The following ACACA variants were observed in gnomAD, a reference collection of about 807,000 sequenced individuals.
ACACA encodes the protein acetyl-CoA carboxylase 1.
A neutral mutation model predicts 296.1 loss-of-function variants in ACACA; 103 were observed. That is an observed-to-expected ratio of 0.35 (90% CI 0.30 to 0.41). The LOEUF (loss-of-function observed/expected upper bound fraction) is 0.41, where lower values mean the gene tolerates loss of function less well. ACACA is among the 10% of genes least tolerant of loss of function. The probability of loss-of-function intolerance (pLI) is 1.00; values close to 1 mark genes in which losing one functional copy is unlikely to be tolerated. For missense variants in ACACA, 1,554 were observed against 2,989.7 expected (o/e 0.52, Z 11.20); for synonymous variants, 953 against 1,038.6 (o/e 0.92, Z 1.58).
intron 1 of ACACA, among the ~76,000 whole-genome samples, chr17:37,343,893 TAAA>T (rs2048497525): frequency 6.6e-6 from 1 of 152,014 alleles, no homozygotes; most frequent in Admixed American, 6.6e-5. Context: ...AATTTTATTT[TAAA>T]AACTATTTTA....
chr17:37,315,292 T>G (rs1294748230), intron 3 of ACACA, among the ~76,000 whole-genome samples: 1 of 152,152 alleles, frequency 6.6e-6, no homozygotes, highest in Non-Finnish European at 1.5e-5. Context: ...TGTTGCACAG[T>G]TAAGGAGAAC....
chr17:37,338,921 C>G (rs1435912314), intron 2 of ACACA, among the ~76,000 whole-genome samples: 2 of 138,838 alleles, frequency 1.4e-5, no homozygotes, highest in African/African-American at 5.8e-5. Context: ...GCCTGGGTGA[C>G]AGAGACTCCC....
intron 50 of ACACA, among the ~76,000 whole-genome samples, chr17:37,114,994 A>AGTTCACTGCAAGGCACATG (rs2074172510): frequency 6.6e-6 from 1 of 152,242 alleles, no homozygotes; most frequent in South Asian, 2.1e-4. Context: ...CAGTGAGCAC[A>AGTTCACTGCAAGGCACATG]GTTCACTGCA....
Position 37,406,681 on chromosome 17 carries a change from G to A in ACACA, c.-382C>T. 2.6e-6 allele frequency: 1 copy of A among 379,118 alleles called. No individual in the cohort carries two copies. Among genetic ancestry groups the A allele is most frequent in the Non-Finnish European group, 4.9e-6 (1 of 202,412 alleles). 23.5% of individuals were successfully genotyped at this position (379,118 alleles called of 1,614,324 possible). On this transcript the variant is annotated 5_prime_UTR_variant, in exon 1 of 56. Transcript: ENST00000616317. ...ACACGGGCAAAGTGATTACTGGTCG[G>A]ATCAAAAGTCAGGCAAGCGGCTCAG...
In ACACA at chr17:37,095,819, T is replaced by A. The variant is rs1192188436; in HGVS notation, c.6891+1177A>T. Reference sequence around the variant, plus strand: ...TAGTAAAAATAAACAGAAATAAAAGTTCCAGCTTTTTCTTCCCATCCATGG... The same window carrying A: ...TAGTAAAAATAAACAGAAATAAAAGATCCAGCTTTTTCTTCCCATCCATGG... On this transcript the variant is annotated intron_variant, in intron 54 of 55. Transcript: ENST00000616317. Among the ~76,000 whole-genome samples, 4 of 152,322 alleles carry A rather than the reference T, an allele frequency of 2.6e-5. No individual in the cohort carries two copies. In the East Asian group the frequency reaches 7.7e-4, roughly 29 times the overall value.
chr17:37,233,948 G>A (rs2079984845), intron 25 of ACACA, among the ~76,000 whole-genome samples: 1 of 152,162 alleles, frequency 6.6e-6, no homozygotes, highest in African/African-American at 2.4e-5. Context: ...TCTAAAAAAT[G>A]TGATACGCTT....
chr17:37,394,270 G>A (rs2050998344), intron 1 of ACACA, among the ~76,000 whole-genome samples: 1 of 151,278 alleles, frequency 6.6e-6, no homozygotes, highest in Admixed American at 6.6e-5. Context: ...GAGTGCAATG[G>A]TTCAATCTCA....
intron 1 of ACACA, among the ~76,000 whole-genome samples, chr17:37,371,001 TAG>T (rs1445511858): frequency 2.0e-5 from 3 of 151,418 alleles, no homozygotes; most frequent in African/African-American, 7.3e-5. Context: ...AAAAAATACA[TAG>T]AGTTTGATTC....
intron 3 of ACACA, among the ~76,000 whole-genome samples, chr17:37,300,550 C>T (rs556780042): frequency 1.3e-5 from 2 of 152,256 alleles, no homozygotes; most frequent in South Asian, 2.1e-4. Context: ...ATGCCAACCA[C>T]GCTGAGAATA....
chr17:37,246,353 A>G (rs1046600768), intron 19 of ACACA, among the ~76,000 whole-genome samples: 2 of 152,154 alleles, frequency 1.3e-5, no homozygotes, highest in Non-Finnish European at 2.9e-5. Context: ...TAAAAATCTT[A>G]AGGTTCGCAC....
At chr17:37,247,716 T>C (rs2080784780) in intron 18 of ACACA, among the ~76,000 whole-genome samples, 1 of 152,218 alleles carries the variant, frequency 6.6e-6, no homozygotes, top group African/African-American at 2.4e-5. Flanking sequence ...GAGTGTAACT[T>C]GTATATGCAT....
chr17:37,206,924 A>G (rs2078527609), intron 31 of ACACA, 45 bp from the exon 32 acceptor site: 1 of 1,492,518 alleles, frequency 6.7e-7, no homozygotes, highest in Non-Finnish European at 9.3e-7. Flanking sequence ...CTCAAGTGGC[A>G]TGAAACTAAC....
chr17:37,230,108 G>C (rs2079784289), intron 25 of ACACA, among the ~76,000 whole-genome samples: 1 of 151,008 alleles, frequency 6.6e-6, no homozygotes, highest in Admixed American at 6.6e-5. Context: ...AATAAGGCCG[G>C]GTGCGGTGGC....
intron 7 of ACACA, 39 bp from the exon 8 acceptor site, chr17:37,276,088 C>T: frequency 6.7e-7 from 1 of 1,494,330 alleles, no homozygotes. Context: ...ACTGTAACAC[C>T]TTGGCCTCAT....
At chr17:37,372,052 A>G (rs1052117646) in intron 1 of ACACA, among the ~76,000 whole-genome samples, 2 of 152,194 alleles carry the variant, frequency 1.3e-5, no homozygotes, top group Non-Finnish European at 2.9e-5. Flanking sequence ...CCCTGCCTCC[A>G]TTATTAAATT....
chr17:37,327,727 G>C (rs929550286), intron 3 of ACACA, among the ~76,000 whole-genome samples: 18 of 152,216 alleles, frequency 1.2e-4, no homozygotes, highest in Non-Finnish European at 5.9e-5. Context: ...ATTTCTCAAG[G>C]TGCTGTGTGG....
At chr17:37,366,800 C>T (rs2049622796) in intron 1 of ACACA, 4 of 151,950 alleles carry the variant, frequency 2.6e-5, no homozygotes, top group East Asian at 2.0e-4. Context: ...AAAAATCTCA[C>T]CTCTGGGCCA....
chr17:37,218,116 T>C (rs1007471996), intron 29 of ACACA, among the ~76,000 whole-genome samples: 4 of 149,734 alleles, frequency 2.7e-5, no homozygotes, highest in Admixed American at 1.3e-4. Flanking sequence ...AGAATAATAA[T>C]TTTTCCTCTC....
intron 39 of ACACA, among the ~76,000 whole-genome samples, chr17:37,186,896 GAA>G (rs796067755): frequency 1.6e-5 from 2 of 124,018 alleles, no homozygotes; most frequent in African/African-American, 3.0e-5. Context: ...TAAAGGAAAG[GAA>G]AAAAAAAAAA....
Sources: allele counts gnomAD v4.1 joint callset (sites outside exome capture counted in the v4.1 genomes callset), GRCh38; gene constraint gnomAD v4.1.1; transcripts MANE v1.5; gene names NCBI Gene and HGNC (gene_info 2026-07-23, HGNC 2026-07-21).